CACNA1B: variants seen among roughly 807,000 people sequenced by gnomAD.
CACNA1B encodes the protein calcium voltage-gated channel subunit alpha1 B.
CACNA1B carries 70 observed loss-of-function variants against 247.2 expected under a neutral mutation model. The observed-to-expected ratio is 0.28, with a 90% confidence interval of 0.23 to 0.35. The LOEUF is 0.35. Among genes scored for constraint, CACNA1B ranks in the 10% least tolerant of loss-of-function variants. CACNA1B has a pLI of 1.00. For synonymous variants in CACNA1B, 1,231 were observed against 1,294.4 expected (o/e 0.95, Z 1.05); for missense variants, 2,367 against 3,197.4 (o/e 0.74, Z 6.26).
chr9:137,984,989 G>A (rs1322647358), intron 13 of CACNA1B, among the ~76,000 whole-genome samples: 4 of 152,174 alleles, frequency 2.6e-5, no homozygotes, highest in Non-Finnish European at 4.4e-5. Flanking sequence ...AGGCTGCACC[G>A]CGGAGGCTCC....
At chr9:137,960,387 G>A (rs1275894994) in intron 10 of CACNA1B, among the ~76,000 whole-genome samples, 1 of 112,522 alleles carries the variant, frequency 8.9e-6, no homozygotes, top group Admixed American at 8.9e-5. Flanking sequence ...GTGTGGGGGA[G>A]GTTGGCCTGA....
chr9:137,949,836 C>T (rs1014081083), intron 6 of CACNA1B, among the ~76,000 whole-genome samples: 3 of 152,128 alleles, frequency 2.0e-5, no homozygotes, highest in Admixed American at 6.5e-5. Context: ...CATCTCAGAG[C>T]ACCTTTGTAG....
chr9:137,968,880 C>A (rs749507185), intron 10 of CACNA1B, among the ~76,000 whole-genome samples: 4 of 152,196 alleles, frequency 2.6e-5, no homozygotes, highest in South Asian at 2.1e-4. Context: ...TTGAAGATGT[C>A]CTATCATTTT....
intron 34 of CACNA1B, among the ~76,000 whole-genome samples, chr9:138,075,277 A>G (rs1275862354): frequency 1.3e-5 from 2 of 152,232 alleles, no homozygotes; most frequent in Admixed American, 6.5e-5. Flanking sequence ...ACAAGAGCAC[A>G]TACGTTACTG....
intron 3 of CACNA1B, chr9:137,892,449 G>A: frequency 2.3e-6 from 1 of 433,954 alleles, no homozygotes; most frequent in Non-Finnish European, 4.6e-6. Context: ...ATTGCATCGT[G>A]AAATGGTTAG....
chr9:138,067,245 A>G (rs1959952792), intron 31 of CACNA1B, among the ~76,000 whole-genome samples: 1 of 152,246 alleles, frequency 6.6e-6, no homozygotes, highest in African/African-American at 2.4e-5. Context: ...CAATCTTCCT[A>G]TAAAGAAAAC....
At chr9:137,998,254 A>C (rs1325178705) in intron 15 of CACNA1B, among the ~76,000 whole-genome samples, 1 of 152,208 alleles carries the variant, frequency 6.6e-6, no homozygotes, top group African/African-American at 2.4e-5. Flanking sequence ...AGTGTTTAAA[A>C]TATTGTGTAA....
intron 20 of CACNA1B, among the ~76,000 whole-genome samples, chr9:138,038,729 GT>G (rs1959078048): frequency 6.6e-6 from 1 of 152,216 alleles, no homozygotes; most frequent in South Asian, 2.1e-4. Flanking sequence ...TCTTGCTTTT[GT>G]CTTCCCGTCT....
chr9:137,962,263 T>C (rs1564209809), intron 10 of CACNA1B, among the ~76,000 whole-genome samples: 1 of 152,000 alleles, frequency 6.6e-6, no homozygotes, highest in African/African-American at 2.4e-5. Flanking sequence ...ATTTGAATCT[T>C]CTCTCTTCTC....
intron 3 of CACNA1B, among the ~76,000 whole-genome samples, chr9:137,909,487 T>C (rs1418059821): frequency 6.6e-6 from 1 of 152,220 alleles, no homozygotes; most frequent in African/African-American, 2.4e-5. Context: ...TCACTTAGAA[T>C]AATGTTACCC....
chr9:138,044,006 A>G, intron 21 of CACNA1B, 106 bp downstream of exon 21: 1 of 1,419,550 alleles, frequency 7.0e-7, no homozygotes, highest in Non-Finnish European at 9.7e-7. Context: ...ACTTATGTAG[A>G]GAAACGGCTC....
chr9:137,890,768 TG>T (rs1957087341), intron 3 of CACNA1B: 1 of 147,844 alleles, frequency 6.8e-6, no homozygotes, highest in Non-Finnish European at 1.5e-5. Context: ...GCTGGAGGGG[TG>T]GGGGTCCAGG....
At chr9:137,969,321 G>A (rs1958117585) in intron 10 of CACNA1B, among the ~76,000 whole-genome samples, 1 of 152,238 alleles carries the variant, frequency 6.6e-6, no homozygotes, top group Admixed American at 6.5e-5. Context: ...GTGTGGTTCT[G>A]TGCAAATACG....
At chr9:138,053,309 C>G (rs1225373014) in intron 25 of CACNA1B, among the ~76,000 whole-genome samples, 1 of 152,194 alleles carries the variant, frequency 6.6e-6, no homozygotes, top group Non-Finnish European at 1.5e-5. Context: ...CCTCTAGCAC[C>G]TCCTGCCCCT....
chr9:138,066,302 C>T (rs577151549), intron 31 of CACNA1B, among the ~76,000 whole-genome samples: 11 of 152,272 alleles, frequency 7.2e-5, no homozygotes, highest in Non-Finnish European at 1.3e-4. Flanking sequence ...CCCAAGAGGG[C>T]GGGGCACGCT....
rs951349962 is a variant in CACNA1B, at chr9:138,050,238, G to A, written c.3710+923G>A. 6.6e-6 allele frequency among the ~76,000 whole-genome samples: 1 copy of A among 152,214 alleles called. No homozygotes were observed. Among genetic ancestry groups the A allele is most frequent in the African/African-American group, 2.4e-5 (1 of 41,458 alleles). On this transcript the variant is annotated intron_variant, in intron 24 of 46. Coordinates refer to ENST00000371372, the MANE Select transcript of CACNA1B (RefSeq NM_000718.4). The surrounding 1 kb of genome is among the most constrained non-coding windows in gnomAD (Gnocchi z 5.2). Reference sequence around the variant, plus strand: ...CCGGGAGCCAAGTCCCCGGCCAGGGGTTCCTGCCATGCCTCTGGGAGCGGG... The same window carrying A: ...CCGGGAGCCAAGTCCCCGGCCAGGGATTCCTGCCATGCCTCTGGGAGCGGG...
intron 3 of CACNA1B, among the ~76,000 whole-genome samples, chr9:137,910,016 C>T (rs1957343174): frequency 6.6e-6 from 1 of 152,148 alleles, no homozygotes; most frequent in African/African-American, 2.4e-5. Flanking sequence ...GGTGATCTGC[C>T]TGCTTCGGCC....
intron 31 of CACNA1B, among the ~76,000 whole-genome samples, chr9:138,062,926 G>A (rs553316944): frequency 2.6e-5 from 4 of 152,224 alleles, no homozygotes; most frequent in South Asian, 2.1e-4. Context: ...CAGCCTACCC[G>A]CAGTAGAAGT....
intron 6 of CACNA1B, among the ~76,000 whole-genome samples, chr9:137,934,495 T>C (rs1444268169): frequency 6.6e-6 from 1 of 152,222 alleles, no homozygotes; most frequent in Non-Finnish European, 1.5e-5. Context: ...CGTGAACTTT[T>C]GCTCCAGAAT....
Sources: gnomAD v4.1 joint callset for allele counts (sites outside exome capture counted in the v4.1 genomes callset) on GRCh38, gnomAD v4.1.1 for gene constraint, Gnocchi (gnomAD v3.1) non-coding constraint, MANE v1.5 for transcripts, NCBI Gene and HGNC (gene_info 2026-07-23, HGNC 2026-07-21) for gene names.